Variants in LYST observed in about 807,000 individuals in gnomAD.
LYST encodes lysosomal-trafficking regulator.
Under a neutral mutation model 413.6 loss-of-function variants are expected in LYST, and 192 were observed. That is an observed-to-expected ratio of 0.46 (90% CI 0.41 to 0.52). The LOEUF (loss-of-function observed/expected upper bound fraction) is 0.52. Among genes scored for constraint, LYST ranks in the 20% least tolerant of loss-of-function variants. LYST has a pLI of 0.00. For synonymous variants in LYST, 1,525 were observed against 1,567.3 expected (o/e 0.97, Z 0.64); for missense variants, 3,815 against 4,499.9 (o/e 0.85, Z 4.35).
Position 235,810,059 on chromosome 1 carries a change from A to G in LYST, c.759T>C (p.Ser253=). ...ACAAAACATGACATAAGTCAAATGG[A>G]GAATTGTTCATGTTACTGATAACAG... ...ALSVISNMNN[S]PFDLCHVLLS... Residue 253 remains serine, a synonymous_variant, in exon 5 of 53, where the codon TCT becomes TCC. Coordinates refer to ENST00000389793, the MANE Select transcript of LYST (RefSeq NM_000081.4). 2 of 1,614,064 alleles carry G rather than the reference A, an allele frequency of 1.2e-6. No homozygotes were observed. The highest frequency in any genetic ancestry group is 1.7e-6 in the Non-Finnish European group (2 of 1,179,940).
rs1031587063 is a variant in LYST at position 235,759,266 on chromosome 1, C to T, written c.6587G>A (p.Gly2196Glu). 6.2e-7 allele frequency: 1 copy of T among 1,614,048 alleles called. No individual in the cohort carries two copies. The highest frequency in any genetic ancestry group is 1.3e-5 in the African/African-American group (1 of 74,928). ...ATGATCTGCTTTGACCACTGGAAAT[C>T]CCAGCACTCCCTTTGGGACATCACT... ...SVSDVPKGVL[G>E]FPVVKADHKQ... Residue 2196 changes from glycine to glutamate, a missense_variant, in exon 23 of 53, where the codon GGA becomes GAA. Coordinates refer to ENST00000389793, the MANE Select transcript of LYST (RefSeq NM_000081.4).
chr1:235,864,749 A>G (rs1680296590), intron 1 of LYST, among the ~76,000 whole-genome samples: 1 of 152,160 alleles, frequency 6.6e-6, no homozygotes, highest in Non-Finnish European at 1.5e-5. Flanking sequence ...CTGGGCAACA[A>G]TGGCGAAACC....
Position 235,663,965 on chromosome 1 carries a change from G to T in LYST, c.11267+19C>A. ...TCACAAATTGTATTCTGAAGCATAA[G>T]AGGGGGAGAAGATCTTACCTGATGA... On this transcript the variant is annotated intron_variant, in intron 52 of 52. Transcript: ENST00000389793. 6.4e-7 allele frequency: 1 copy of T among 1,566,200 alleles called. No individual in the cohort carries two copies. The highest frequency in any genetic ancestry group is 8.8e-7 in the Non-Finnish European group (1 of 1,136,324).
At chr1:235,838,950 C>T (rs993215957) in intron 1 of LYST, among the ~76,000 whole-genome samples, 1 of 151,814 alleles carries the variant, frequency 6.6e-6, no homozygotes, top group Admixed American at 6.6e-5. Flanking sequence ...CATACTCATT[C>T]TCTCTCTCTC....
At chr1:235,684,438 G>A (rs977814793) in intron 48 of LYST, among the ~76,000 whole-genome samples, 4 of 152,174 alleles carry the variant, frequency 2.6e-5, no homozygotes, top group Non-Finnish European at 5.9e-5. Flanking sequence ...CCTAGCAGCA[G>A]GGTTTAGAAT....
chr1:235,868,227 A>G (rs2103219732), upstream of LYST, among the ~76,000 whole-genome samples: 1 of 151,776 alleles, frequency 6.6e-6, no homozygotes, highest in African/African-American at 2.4e-5. Flanking sequence ...GCTGGAGGGC[A>G]GTGGCCGGAT....
At chr1:235,805,581 A>G (rs1672732836) in intron 6 of LYST, among the ~76,000 whole-genome samples, 162 bp downstream of exon 6, 1 of 149,392 alleles carries the variant, frequency 6.7e-6, no homozygotes, top group African/African-American at 2.5e-5. Context: ...AACATAATAT[A>G]TACACATATA....
At chr1:235,781,136 T>G in intron 15 of LYST, 81 bp from the exon 16 acceptor site, 1 of 877,634 alleles carries the variant, frequency 1.1e-6, no homozygotes, top group African/African-American at 1.7e-5. Context: ...CCAGGAATTA[T>G]TTTTTGTAGC....
chr1:235,783,479 G>GCGGGT (rs964866829), intron 14 of LYST, among the ~76,000 whole-genome samples: 8 of 152,012 alleles, frequency 5.3e-5, no homozygotes, highest in African/African-American at 1.9e-4. Context: ...GGGGCCTGTC[G>GCGGGT]GCGGGTGTTG....
intron 19 of LYST, 53 bp downstream of exon 19, chr1:235,773,789 G>C: frequency 6.9e-7 from 1 of 1,439,888 alleles, no homozygotes. Flanking sequence ...TAAATTTTGT[G>C]TTATATGCAT....
intron 1 of LYST, among the ~76,000 whole-genome samples, chr1:235,852,153 G>A (rs534338813): frequency 1.6e-4 from 25 of 152,258 alleles, no homozygotes; most frequent in East Asian, 3.9e-4. Context: ...CTCCAGTTCC[G>A]TAGATACTAA....
chr1:235,845,788 T>C (rs898443670), intron 1 of LYST, among the ~76,000 whole-genome samples: 1 of 151,954 alleles, frequency 6.6e-6, no homozygotes, highest in African/African-American at 2.4e-5. Context: ...ACAACTCCAG[T>C]AAACTGGGAA....
At chr1:235,771,793 C>T (rs1668699122) in intron 19 of LYST, among the ~76,000 whole-genome samples, 1 of 151,602 alleles carries the variant, frequency 6.6e-6, no homozygotes, top group African/African-American at 2.4e-5. Flanking sequence ...TGAATTGCCT[C>T]TTCATGTAAC....
In LYST at chr1:235,758,957, A is replaced by G; in HGVS notation, c.6881+15T>C. On this transcript the variant is annotated intron_variant, in intron 23 of 52. Coordinates refer to ENST00000389793, the MANE Select transcript of LYST (RefSeq NM_000081.4). The stretch of plus-strand genomic sequence containing the variant: ...AAAATAAAGGTGGGAGGAGTGTACA[A>G]AAACACATAAGTACCTGTGAGCACT... 1 of 1,613,694 alleles carries G rather than the reference A, an allele frequency of 6.2e-7. No individual in the cohort carries two copies. Among genetic ancestry groups the G allele is most frequent in the African/African-American group, 1.3e-5 (1 of 75,054 alleles).
Position 235,810,507 on chromosome 1 carries a change from A to G in LYST, c.311T>C (p.Ile104Thr), listed in dbSNP as rs1349537073. ...TGAGTTCTTTTCTTTGGTCAGGATT[A>G]TATCTGCTGAGAGCGGTAGGTTAAA... ...TDFNLPLSAD[I>T]ILTKEKNSSS... Residue 104 changes from isoleucine to threonine, a missense_variant, in exon 5 of 53, where the codon ATA becomes ACA. Around this residue, in one of 4 missense-constraint regions of LYST, gnomAD observed 1,648 missense variants for 1,810.3 expected, o/e 0.91. Transcript: ENST00000389793. The G allele has an allele frequency of 3.7e-6, 6 of 1,612,500 alleles. No individual in the cohort carries two copies. The East Asian group carries it at 6.7e-5, about 18-fold the overall frequency.
In LYST at chr1:235,751,277, G is replaced by A. The variant is rs1178505661; in HGVS notation, c.7713C>T (p.Leu2571=). ...RTTANHDSEN[L]TDSLQSPSAP... ...CAGAAGGTGACTGGAGTGAATCTGT[G>A]AGGTTTTCAGAGTCATGATTTGCGG... The change falls in exon 28 of 53, where the codon CTC becomes CTT. Residue 2571 remains leucine, a synonymous_variant. Coordinates refer to ENST00000389793, the MANE Select transcript of LYST (RefSeq NM_000081.4). 2 of 1,613,498 alleles carry A rather than the reference G, an allele frequency of 1.2e-6. No homozygotes were observed. The highest frequency in any genetic ancestry group is 1.7e-5 in the Admixed American group (1 of 60,002).
intron 10 of LYST, among the ~76,000 whole-genome samples, chr1:235,797,199 A>C (rs1030491453): frequency 1.3e-5 from 2 of 152,226 alleles, no homozygotes; most frequent in African/African-American, 4.8e-5. Context: ...GTAGCAAAAA[A>C]GGAGAACAAC....
At chr1:235,790,591 T>C (rs1558248808) in intron 12 of LYST, among the ~76,000 whole-genome samples, 1 of 152,310 alleles carries the variant, frequency 6.6e-6, no homozygotes, top group African/African-American at 2.4e-5. Context: ...GAAAGATTTG[T>C]GGAATGAAGA....
chr1:235,826,974 T>C (rs1675407493), intron 3 of LYST, among the ~76,000 whole-genome samples: 1 of 152,106 alleles, frequency 6.6e-6, no homozygotes, highest in African/African-American at 2.4e-5. Context: ...TGAGGTGTAT[T>C]TGTCACTATT....
Sources: gnomAD v4.1 joint callset for allele counts (sites outside exome capture counted in the v4.1 genomes callset) on GRCh38, gnomAD v4.1.1 for gene constraint, gnomAD v4.1.1 regional missense constraint, MANE v1.5 for transcripts, NCBI Gene and HGNC (gene_info 2026-07-23, HGNC 2026-07-21) for gene names.